The following AHCYL2 variants were observed in gnomAD, a reference collection of about 807,000 sequenced individuals.
AHCYL2 encodes adenosylhomocysteinase like 2.
A neutral mutation model predicts 81.4 loss-of-function variants in AHCYL2; 28 were observed. That is an observed-to-expected ratio of 0.34 (90% CI 0.25 to 0.47). The LOEUF is 0.47. Among genes scored for constraint, AHCYL2 ranks in the 20% least tolerant of loss-of-function variants. The pLI, the probability that AHCYL2 is intolerant of heterozygous loss-of-function variation, is 1.00. For missense variants in AHCYL2, 551 were observed against 785.1 expected, an observed-to-expected ratio of 0.70 and a Z score of 3.56; for synonymous variants, 272 against 290.2, an observed-to-expected ratio of 0.94 and a Z score of 0.64.
At chr7:129,265,032 T>G (rs751061902) in intron 1 of AHCYL2, among the ~76,000 whole-genome samples, 10 of 152,266 alleles carry the variant, frequency 6.6e-5, no homozygotes, top group Non-Finnish European at 1.5e-4. Flanking sequence ...CATGATTTAT[T>G]AAATCTGGTC....
intron 1 of AHCYL2, chr7:129,375,526 A>C (rs1239120344): frequency 1.2e-6 from 1 of 804,352 alleles, no homozygotes; most frequent in Non-Finnish European, 1.6e-6. Flanking sequence ...AGCTATTGTT[A>C]TGCGCATGCA....
intron 1 of AHCYL2, among the ~76,000 whole-genome samples, chr7:129,239,050 G>T (rs13235047): frequency 0.025 from 3,734 of 152,240 alleles, 78 homozygotes; most frequent in Admixed American, 0.057. Flanking sequence ...GTTAGGACTG[G>T]CTCAGACTAA....
intron 1 of AHCYL2, among the ~76,000 whole-genome samples, chr7:129,226,720 G>T (rs1213821555): frequency 6.6e-6 from 1 of 152,176 alleles, no homozygotes; most frequent in Non-Finnish European, 1.5e-5. Flanking sequence ...TTTCTGTAAT[G>T]CTTTAGACAA....
intron 1 of AHCYL2, among the ~76,000 whole-genome samples, chr7:129,320,380 A>G (rs1182524740): frequency 1.3e-5 from 2 of 152,184 alleles, no homozygotes; most frequent in Non-Finnish European, 2.9e-5. Flanking sequence ...GTGCAATGGC[A>G]CGTCTCGGCT....
intron 4 of AHCYL2, among the ~76,000 whole-genome samples, chr7:129,393,867 T>G (rs1795584172): frequency 6.6e-6 from 1 of 152,218 alleles, no homozygotes; most frequent in Non-Finnish European, 1.5e-5. Flanking sequence ...TCTCCATACA[T>G]GTAACTGGAG....
rs549021036 is a variant in AHCYL2, at chr7:129,292,061, A to G, written c.363+66622A>G. Among the ~76,000 whole-genome samples, 17 of 152,314 alleles carry G rather than the reference A, an allele frequency of 1.1e-4. No homozygotes were observed. The South Asian group carries it at 3.3e-3, about 30-fold the overall frequency. On this transcript the variant is annotated intron_variant, in intron 1 of 16. Coordinates refer to ENST00000325006, the MANE Select transcript of AHCYL2 (RefSeq NM_015328.4). ...AGTGTTGAAGAATTAAGTTCCTATT[A>G]TTACTGTATCATGTATTACTGTAAA...
chr7:129,375,658 A>T (rs1794645624), intron 1 of AHCYL2: 19 of 1,380,198 alleles, frequency 1.4e-5, no homozygotes, highest in Non-Finnish European at 1.8e-5. Flanking sequence ...CTGTTGAGCC[A>T]CTAACAGAAA....
chr7:129,422,874 G>A lies in AHCYL2; in HGVS notation c.1496G>A (p.Arg499Gln), dbSNP rs763348376. The stretch of plus-strand genomic sequence containing the variant: ...CGGACACCAGAACTGACCTGGGAGC[G>A]AGTGAGATCTCAAGTTGACCATGTG... Reference protein sequence around the residue: ...SLRTPELTWERVRSQVDHVIW... With the variant: ...SLRTPELTWEQVRSQVDHVIW... The change falls in exon 13 of 17, where the codon CGA becomes CAA. Residue 499 changes from arginine to glutamine, a missense_variant. Arg to Gln is a conservative substitution (Grantham distance 43). This residue lies in a region of AHCYL2 where 316 missense variants were observed against 543.1 expected (regional missense o/e 0.58). Coordinates refer to ENST00000325006, the MANE Select transcript of AHCYL2 (RefSeq NM_015328.4). 9 of 1,614,012 alleles carry A rather than the reference G, an allele frequency of 5.6e-6. No individual in the cohort carries two copies. The highest frequency in any genetic ancestry group is 1.3e-5 in the African/African-American group (1 of 74,914).
At chr7:129,321,315 G>A (rs957631024) in intron 1 of AHCYL2, among the ~76,000 whole-genome samples, 2 of 152,140 alleles carry the variant, frequency 1.3e-5, no homozygotes, top group African/African-American at 4.8e-5. Flanking sequence ...TAGATGTTCT[G>A]TATCAAGTAA....
At chr7:129,335,041 T>C (rs937630969) in intron 1 of AHCYL2, among the ~76,000 whole-genome samples, 1 of 152,200 alleles carries the variant, frequency 6.6e-6, no homozygotes, top group African/African-American at 2.4e-5. Flanking sequence ...AATTAGTGGT[T>C]TGGAATTTTT....
Position 129,319,449 on chromosome 7 carries a change from CA to C in AHCYL2, c.364-60177del, listed in dbSNP as rs1034674188. On this transcript the variant is annotated intron_variant, in intron 1 of 16. Coordinates refer to ENST00000325006, the MANE Select transcript of AHCYL2 (RefSeq NM_015328.4). ...TGGGCAACAGAGTGAGACTCTGTCG[CA>C]AAAAAAAAAAAGAAAAAAGAAAATA... Among the ~76,000 whole-genome samples, 1,118 of 125,248 alleles carry C rather than the reference CA, an allele frequency of 8.9e-3. 10 individuals are homozygous for C. Among genetic ancestry groups the C allele is most frequent in the African/African-American group, 0.026 (897 of 33,956 alleles). The allele number at this position is 125,248 out of a possible 152,430, so 82.2% of individuals were successfully genotyped here.
intron 1 of AHCYL2, among the ~76,000 whole-genome samples, chr7:129,331,201 C>T (rs1246098408): frequency 1.3e-5 from 2 of 152,032 alleles, no homozygotes; most frequent in Non-Finnish European, 2.9e-5. Flanking sequence ...GGTGAGAAGA[C>T]GAACATTTTT....
At chr7:129,246,955 T>G (rs1452060513) in intron 1 of AHCYL2, among the ~76,000 whole-genome samples, 1 of 152,274 alleles carries the variant, frequency 6.6e-6, no homozygotes, top group Non-Finnish European at 1.5e-5. Flanking sequence ...TACCACATTT[T>G]ATCAGTTTAG....
chr7:129,391,636 T>C (rs949428813), intron 4 of AHCYL2, among the ~76,000 whole-genome samples: 1 of 152,198 alleles, frequency 6.6e-6, no homozygotes, highest in Non-Finnish European at 1.5e-5. Flanking sequence ...GGGAAATTGT[T>C]ATATTGAGCA....
In AHCYL2 at chr7:129,306,311, G is replaced by A. The variant is rs537157275; in HGVS notation, c.364-73327G>A. ...TTTCTTTTGTCTCCTCTGGGTGTGT[G>A]TTTTCAAATAGCCTGTCTTCAGGCT... On this transcript the variant is annotated intron_variant, in intron 1 of 16. Coordinates refer to ENST00000325006, the MANE Select transcript of AHCYL2 (RefSeq NM_015328.4). Among the ~76,000 whole-genome samples the A allele has an allele frequency of 1.9e-3, 295 of 152,048 alleles. 5 individuals carry two copies. The highest frequency in any genetic ancestry group is 2.5e-3 in the Non-Finnish European group (170 of 67,966).
At chr7:129,415,633 CAAA>C (rs1170561870) in intron 12 of AHCYL2, among the ~76,000 whole-genome samples, 2 of 109,218 alleles carry the variant, frequency 1.8e-5, no homozygotes, top group Non-Finnish European at 1.9e-5. Context: ...AACTCCATCT[CAAA>C]AAAAAAAAAA....
intron 6 of AHCYL2, 68 bp from the exon 7 acceptor site, chr7:129,403,311 C>T: frequency 9.7e-7 from 1 of 1,025,912 alleles, no homozygotes; most frequent in South Asian, 1.6e-5. Context: ...GGATGCAAGA[C>T]CCAGAGAAGC....
chr7:129,226,317 A>G (rs1376479589), intron 1 of AHCYL2, among the ~76,000 whole-genome samples: 2 of 152,170 alleles, frequency 1.3e-5, no homozygotes, highest in East Asian at 1.9e-4. Context: ...TTACCCGTAC[A>G]TTGTCTATCC....
intron 1 of AHCYL2, among the ~76,000 whole-genome samples, chr7:129,293,125 G>T (rs955907706): frequency 4.2e-5 from 6 of 141,326 alleles, no homozygotes; most frequent in African/African-American, 1.3e-4. Flanking sequence ...TTCTCAAGTT[G>T]ATCAGTGAAG....
Sources: allele counts gnomAD v4.1 joint callset (sites outside exome capture counted in the v4.1 genomes callset), GRCh38; gene constraint gnomAD v4.1.1; regional missense constraint gnomAD v4.1.1; transcripts MANE v1.5; gene names NCBI Gene and HGNC (gene_info 2026-07-23, HGNC 2026-07-21).